Variants in SORCS3 observed in about 807,000 individuals in gnomAD.
The protein encoded by SORCS3 is sortilin related VPS10 domain containing receptor 3, also known as VPS10 domain-containing receptor SorCS3.
A neutral mutation model predicts 146.3 loss-of-function variants in SORCS3; 57 were observed. The ratio of observed to expected loss-of-function variants is 0.39; its 90% CI spans 0.31 to 0.49. SORCS3 has a LOEUF of 0.49. Among genes scored for constraint, SORCS3 ranks in the 20% least tolerant of loss-of-function variants. SORCS3 has a pLI of 0.92. For missense variants in SORCS3, 1,341 were observed against 1,575.5 expected, an observed-to-expected ratio of 0.85 and a Z score of 2.52; for synonymous variants, 653 against 618.5, an observed-to-expected ratio of 1.06 and a Z score of -0.83.
chr10:105,014,917 C>T (rs961342091), intron 4 of SORCS3, among the ~76,000 whole-genome samples: 3 of 152,156 alleles, frequency 2.0e-5, no homozygotes, highest in Non-Finnish European at 4.4e-5. Context: ...CTGGGACTAC[C>T]CAGCCTCCAT....
intron 1 of SORCS3, among the ~76,000 whole-genome samples, chr10:104,817,440 TCC>T (rs1353224557): frequency 1.2e-5 from 1 of 83,934 alleles, no homozygotes; most frequent in African/African-American, 4.7e-5. Flanking sequence ...CTCTTCCTCC[TCC>T]CCCTTCTCCT....
At chr10:105,257,874 C>T (rs887934614) in intron 25 of SORCS3, among the ~76,000 whole-genome samples, 1 of 152,156 alleles carries the variant, frequency 6.6e-6, no homozygotes, top group African/African-American at 2.4e-5. Flanking sequence ...AATAGGCCCT[C>T]AGAAATTTTA....
chr10:104,972,536 A>G (rs1362906989), intron 3 of SORCS3, among the ~76,000 whole-genome samples: 2 of 152,158 alleles, frequency 1.3e-5, no homozygotes. Context: ...TCATGGCAGC[A>G]TGGCAGTGGG....
chr10:105,193,503 G>T (rs1018959699), intron 14 of SORCS3, among the ~76,000 whole-genome samples: 1 of 152,152 alleles, frequency 6.6e-6, no homozygotes, highest in South Asian at 2.1e-4. Context: ...GGGTTACCAG[G>T]AGATGGATAG....
At chr10:104,788,887 A>G (rs2017466526) in intron 1 of SORCS3, among the ~76,000 whole-genome samples, 1 of 152,190 alleles carries the variant, frequency 6.6e-6, no homozygotes, top group African/African-American at 2.4e-5. Flanking sequence ...ATGGGGATGA[A>G]TTGAGTACAT....
At chr10:104,867,132 T>A (rs1466927869) in intron 2 of SORCS3, among the ~76,000 whole-genome samples, 2 of 151,928 alleles carry the variant, frequency 1.3e-5, no homozygotes, top group African/African-American at 4.8e-5. Flanking sequence ...AAGTACACAA[T>A]AAGCCAGGTA....
chr10:105,132,870 A>G (rs1215987196), intron 7 of SORCS3, among the ~76,000 whole-genome samples: 1 of 152,212 alleles, frequency 6.6e-6, no homozygotes, highest in Non-Finnish European at 1.5e-5. Context: ...ATATAAAATA[A>G]AAGGTGTCAC....
chr10:105,023,931 T>C (rs2055212189), intron 4 of SORCS3, among the ~76,000 whole-genome samples: 1 of 152,004 alleles, frequency 6.6e-6, no homozygotes, highest in South Asian at 2.1e-4. Flanking sequence ...TAAAATCCAG[T>C]TGGAAACAGG....
chr10:104,921,695 C>T (rs57098429), intron 3 of SORCS3, among the ~76,000 whole-genome samples: 12,999 of 151,850 alleles, frequency 0.086, 721 homozygotes, highest in South Asian at 0.25. Context: ...ATTTGACAGA[C>T]GAAGAAACTG....
intron 1 of SORCS3, among the ~76,000 whole-genome samples, chr10:104,825,230 A>G (rs1226534683): frequency 6.6e-6 from 1 of 152,176 alleles, no homozygotes; most frequent in East Asian, 1.9e-4. Flanking sequence ...ATGCATGCTG[A>G]CGGCTTACTG....
In SORCS3 at chr10:104,646,679, C is replaced by T. The variant is rs538748362; in HGVS notation, c.627+4725C>T. Among the ~76,000 whole-genome samples, 3 of 152,254 alleles carry T rather than the reference C, an allele frequency of 2.0e-5. No homozygotes were observed. In the East Asian group the frequency reaches 5.8e-4, roughly 29 times the overall value. ...TTTCTGCCTTCTTTTGGCCTCTTGG[C>T]TGGTTTGAGACACTTCCCTTACAGG... On this transcript the variant is annotated intron_variant, in intron 1 of 26. Transcript: ENST00000369701.
At chr10:105,015,555 C>T (rs1301572397) in intron 4 of SORCS3, among the ~76,000 whole-genome samples, 1 of 152,016 alleles carries the variant, frequency 6.6e-6, no homozygotes, top group Non-Finnish European at 1.5e-5. Context: ...ATTTCAGAAA[C>T]AAGCAATGCC....
intron 1 of SORCS3, among the ~76,000 whole-genome samples, chr10:104,700,264 T>G (rs1181400908): frequency 2.0e-5 from 3 of 152,170 alleles, no homozygotes; most frequent in African/African-American, 7.2e-5. Flanking sequence ...ATGAAAAACT[T>G]AACTAAAAAT....
intron 2 of SORCS3, among the ~76,000 whole-genome samples, chr10:104,870,416 T>C (rs1564702427): frequency 6.9e-6 from 1 of 145,412 alleles, no homozygotes; most frequent in Non-Finnish European, 1.5e-5. Context: ...TTAATGAAAA[T>C]GACAGATCAT....
At chr10:104,696,503 A>T (rs373720872) in intron 1 of SORCS3, among the ~76,000 whole-genome samples, 9 of 61,874 alleles carry the variant, frequency 1.5e-4, no homozygotes, top group East Asian at 6.1e-4. Context: ...TAATATATAT[A>T]ATATATAATA....
At chr10:104,770,150 A>G (rs966389106) in intron 1 of SORCS3, among the ~76,000 whole-genome samples, 3 of 152,208 alleles carry the variant, frequency 2.0e-5, no homozygotes, top group Middle Eastern at 3.4e-3. Flanking sequence ...GGGACCTGGG[A>G]ATTTACGTGA....
chr10:105,212,269 C>T (rs900527044), intron 17 of SORCS3, among the ~76,000 whole-genome samples: 2 of 152,186 alleles, frequency 1.3e-5, no homozygotes, highest in Non-Finnish European at 2.9e-5. Flanking sequence ...TTCCTGGAGC[C>T]TGAGCTAAGG....
intron 3 of SORCS3, among the ~76,000 whole-genome samples, chr10:104,974,363 A>G (rs564463379): frequency 1.3e-5 from 2 of 152,284 alleles, no homozygotes; most frequent in African/African-American, 2.4e-5. Flanking sequence ...GACTTGCTTT[A>G]TGAACCTGGG....
intron 1 of SORCS3, among the ~76,000 whole-genome samples, chr10:104,810,401 C>T (rs1053572437): frequency 1.3e-5 from 2 of 152,054 alleles, no homozygotes; most frequent in African/African-American, 4.8e-5. Flanking sequence ...TTTTTAAACA[C>T]TTGTTAATGG....
Sources: allele counts gnomAD v4.1 joint callset (sites outside exome capture counted in the v4.1 genomes callset), GRCh38; gene constraint gnomAD v4.1.1; transcripts MANE v1.5; gene names NCBI Gene and HGNC (gene_info 2026-07-23, HGNC 2026-07-21).